Variants in ZNF675 observed in about 807,000 individuals in gnomAD.
ZNF675 encodes the protein zinc finger protein 675.
ZNF675 carries 36 observed loss-of-function variants against 56.1 expected under a neutral mutation model. The ratio of observed to expected loss-of-function variants is 0.64; its 90% confidence interval spans 0.49 to 0.85. The LOEUF is 0.85. Among genes scored for constraint, ZNF675 ranks in the 40% least tolerant of loss-of-function variants. The pLI is 0.00. For synonymous variants in ZNF675, 200 were observed against 218.9 expected, an observed-to-expected ratio of 0.91 and a Z score of 0.76; for missense variants, 663 against 654.2, an observed-to-expected ratio of 1.01 and a Z score of -0.15.
chr19:23,654,832 G>A (rs6511462), intron 3 of ZNF675, 126 bp from the exon 4 acceptor site: 663,999 of 670,434 alleles, frequency 0.99, 329,139 homozygotes, highest in East Asian at 1. Context: ...AAGTGTATGT[G>A]TTGCCCCAGG....
intron 1 of ZNF675, among the ~76,000 whole-genome samples, chr19:23,671,596 C>CT (rs35898363): frequency 0.35 from 53,632 of 151,678 alleles, 10,172 homozygotes; most frequent in East Asian, 0.65. Context: ...TCAGAAAACT[C>CT]TAGCAGTGCA....
At chr19:23,659,608 C>T (rs1165242967) in intron 3 of ZNF675, among the ~76,000 whole-genome samples, 1 of 152,106 alleles carries the variant, frequency 6.6e-6, no homozygotes, top group East Asian at 1.9e-4. Flanking sequence ...TCTGATAAAG[C>T]CCAAGATTTA....
chr19:23,678,471 G>A (rs1022557544), intron 1 of ZNF675, among the ~76,000 whole-genome samples: 2 of 149,556 alleles, frequency 1.3e-5, no homozygotes, highest in East Asian at 2.0e-4. Flanking sequence ...GGCTGGTCTC[G>A]AACCCCTGAC....
chr19:23,653,301 AG>A lies in ZNF675; in HGVS notation c.1631del (p.Ala544ValfsTer48), dbSNP rs1302424052. The part of the protein sequence containing the change: ...KPYKCERCDK[A>X]FNQSANLTKH... ...TAGTAAGGTTTGCAGATTGGTTAAA[AG>A]CTTTGTCACATCTCTCACATTTATA... On this transcript the variant is annotated frameshift_variant, in exon 4 of 4. Transcript: ENST00000359788. LOFTEE classifies it high-confidence loss of function. 2 of 1,613,688 alleles carry A rather than the reference AG, an allele frequency of 1.2e-6. No homozygotes were observed.
At chr19:23,668,857 C>T (rs998009771) in intron 1 of ZNF675, among the ~76,000 whole-genome samples, 2 of 152,204 alleles carry the variant, frequency 1.3e-5, no homozygotes, top group Non-Finnish European at 2.9e-5. Flanking sequence ...ACCCGGAACT[C>T]CAGCTGGCCC....
At chr19:23,680,851 G>A (rs1281124614) in intron 1 of ZNF675, among the ~76,000 whole-genome samples, 1 of 151,750 alleles carries the variant, frequency 6.6e-6, no homozygotes, top group African/African-American at 2.4e-5. Context: ...AGTTGAGGGT[G>A]GAGAGTAGAA....
In ZNF675 at chr19:23,653,592, A is replaced by C; in HGVS notation, c.1341T>G (p.Thr447=). ...SKLTEHKKLH[T]GKKPYKCEEC... Reference sequence around the variant, plus strand: ...CTTCACATTTGTAGGGTTTCTTTCCAGTATGAAGTTTCTTATGTTCAGTAA... The same window carrying C: ...CTTCACATTTGTAGGGTTTCTTTCCCGTATGAAGTTTCTTATGTTCAGTAA... The change falls in exon 4 of 4, where the codon ACT becomes ACG. Residue 447 remains threonine (T), a synonymous_variant. Coordinates refer to ENST00000359788, the MANE Select transcript of ZNF675 (RefSeq NM_138330.3). 6.2e-7 allele frequency: 1 copy of C among 1,612,632 alleles called. No homozygotes were observed. The highest frequency in any genetic ancestry group is 8.5e-7 in the Non-Finnish European group (1 of 1,179,472).
At chr19:23,674,059 C>T (rs563959291) in intron 1 of ZNF675, among the ~76,000 whole-genome samples, 3 of 151,158 alleles carry the variant, frequency 2.0e-5, no homozygotes, top group South Asian at 4.2e-4. Context: ...AAAAATCAGC[C>T]GGGCATGGTG....
chr19:23,673,627 G>T (rs979283868), intron 1 of ZNF675, among the ~76,000 whole-genome samples: 14 of 152,132 alleles, frequency 9.2e-5, no homozygotes, highest in African/African-American at 3.4e-4. Flanking sequence ...ATCATATCTG[G>T]TAATTCCAGA....
At chr19:23,680,381 T>C (rs1416278918) in intron 1 of ZNF675, among the ~76,000 whole-genome samples, 1 of 151,796 alleles carries the variant, frequency 6.6e-6, no homozygotes, top group Non-Finnish European at 1.5e-5. Context: ...ATCATTTCTT[T>C]TGCAGCAACA....
At chr19:23,661,461 T>C (rs10411860) in intron 3 of ZNF675, among the ~76,000 whole-genome samples, 147,339 of 151,672 alleles carry the variant, frequency 0.97, 71,728 homozygotes, top group Middle Eastern at 1. Context: ...GAAGCCAAGG[T>C]AAGCAAATGA....
intron 1 of ZNF675, among the ~76,000 whole-genome samples, chr19:23,679,471 G>T (rs1968346981): frequency 6.6e-6 from 1 of 151,428 alleles, no homozygotes. Context: ...CCAGACACAG[G>T]AACCAGCAAA....
At chr19:23,672,070 A>G (rs1420538534) in intron 1 of ZNF675, among the ~76,000 whole-genome samples, 1 of 152,032 alleles carries the variant, frequency 6.6e-6, no homozygotes, top group Non-Finnish European at 1.5e-5. Flanking sequence ...TGGTGGCCCA[A>G]TGATAAGCTA....
At chr19:23,666,774 T>G (rs201428062) in intron 1 of ZNF675, among the ~76,000 whole-genome samples, 1 of 98,844 alleles carries the variant, frequency 1.0e-5, no homozygotes, top group African/African-American at 3.1e-5. Context: ...CTTTCTCTCT[T>G]TTTCTCTTTC....
chr19:23,660,748 T>C (rs1336037401), intron 3 of ZNF675, among the ~76,000 whole-genome samples: 1 of 152,160 alleles, frequency 6.6e-6, no homozygotes, highest in Non-Finnish European at 1.5e-5. Context: ...ATAAATACTG[T>C]GCCATGTTAT....
chr19:23,659,506 A>C (rs1171558790), intron 3 of ZNF675, among the ~76,000 whole-genome samples: 2 of 152,108 alleles, frequency 1.3e-5, no homozygotes, highest in African/African-American at 4.8e-5. Flanking sequence ...AGGATTTCAA[A>C]ATCAGCCTGA....
intron 3 of ZNF675, among the ~76,000 whole-genome samples, chr19:23,661,078 T>C (rs1003841458): frequency 6.6e-6 from 1 of 152,062 alleles, no homozygotes; most frequent in Non-Finnish European, 1.5e-5. Context: ...TACAGATGTG[T>C]GCCACCACAC....
At chr19:23,674,830 G>C (rs973776484) in intron 1 of ZNF675, among the ~76,000 whole-genome samples, 1 of 151,052 alleles carries the variant, frequency 6.6e-6, no homozygotes, top group African/African-American at 2.5e-5. Flanking sequence ...TTATTAGCTG[G>C]GCATGGTGGC....
intron 1 of ZNF675, among the ~76,000 whole-genome samples, chr19:23,675,783 AAAG>A (rs1261242498): frequency 6.6e-6 from 1 of 151,668 alleles, no homozygotes; most frequent in African/African-American, 2.4e-5. Flanking sequence ...ATCCTAAATA[AAAG>A]AATGAGAGAA....
Sources: allele counts gnomAD v4.1 joint callset (sites outside exome capture counted in the v4.1 genomes callset), GRCh38; gene constraint gnomAD v4.1.1; transcripts MANE v1.5; gene names NCBI Gene and HGNC (gene_info 2026-07-23, HGNC 2026-07-21).